ZNF384: variants seen among roughly 807,000 people sequenced by gnomAD.
The protein encoded by ZNF384 is CAG repeat protein 1.
In ZNF384, 20 loss-of-function variants were observed where a neutral mutation model predicts 65.0. The observed-to-expected ratio is 0.31, with a 90% CI of 0.22 to 0.45. The LOEUF (loss-of-function observed/expected upper bound fraction) is 0.45, where lower values mean the gene tolerates loss of function less well. Among genes scored for constraint, ZNF384 ranks in the 20% least tolerant of loss-of-function variants. The pLI is 1.00. For missense variants in ZNF384, 549 were observed against 769.4 expected (o/e 0.71, Z 3.39); for synonymous variants, 310 against 303.9 (o/e 1.02, Z -0.21).
intron 2 of ZNF384, among the ~76,000 whole-genome samples, chr12:6,685,456 C>G (rs1957562415): frequency 6.6e-6 from 1 of 151,900 alleles, no homozygotes; most frequent in Non-Finnish European, 1.5e-5. Context: ...TTGCACCAAG[C>G]CTCAACTGTT....
rs1181218725 is a variant in ZNF384, at chr12:6,673,079, C to G, written c.1004+137G>C. 5.2e-6 allele frequency: 4 copies of G among 776,694 alleles called. No individual in the cohort carries two copies. In the African/African-American group the frequency reaches 7.0e-5, roughly 14 times the overall value. The allele number at this position is 776,694 out of a possible 1,614,324, so 48.1% of individuals were successfully genotyped here. A position where few individuals can be genotyped will look rare whatever the true frequency, so the allele number is the denominator to read the frequency against. ...AGCTAGGATATATAATTTCCACAGA[C>G]AGTAATAGGAGGTTGAGGCTACCAA... is the stretch of plus-strand genomic sequence containing the variant. On this transcript the variant is annotated intron_variant, in intron 8 of 11. Coordinates refer to ENST00000683879, the MANE Select transcript of ZNF384 (RefSeq NM_001385745.1). This position sits in a 1 kb window ranked among gnomAD's most constrained non-coding sequence, Gnocchi z 4.7.
chr12:6,683,263 C>T (rs1318319245), intron 2 of ZNF384, among the ~76,000 whole-genome samples: 1 of 151,352 alleles, frequency 6.6e-6, no homozygotes, highest in East Asian at 1.9e-4. Flanking sequence ...TGCACTGCAG[C>T]CTGGGCAACA....
In ZNF384 at chr12:6,669,034, T is replaced by A. The variant is rs1294612786; in HGVS notation, c.1422A>T (p.Thr474=). The change falls in exon 11 of 12, where the codon ACA becomes ACT. Residue 474 remains threonine, a synonymous_variant. Transcript: ENST00000683879. ...YTCTICSRAY[T]SETYLMKHMR... ...AGAGAAGAAACGGAGCACTCACTGATGTGTATGCCCGACTGCAGATAGTGC... is the reference window on the plus strand; with the variant it reads ...AGAGAAGAAACGGAGCACTCACTGAAGTGTATGCCCGACTGCAGATAGTGC... 6.2e-7 allele frequency: 1 copy of A among 1,605,626 alleles called. No individual in the cohort carries two copies. The highest frequency in any genetic ancestry group is 1.1e-5 in the South Asian group (1 of 90,366).
At chr12:6,684,297 C>T (rs1054997339) in intron 2 of ZNF384, among the ~76,000 whole-genome samples, 3 of 152,182 alleles carry the variant, frequency 2.0e-5, no homozygotes, top group Non-Finnish European at 4.4e-5. Context: ...GTAGTACACA[C>T]TTTCTGATGT....
chr12:6,687,651 T>C (rs1295321239), intron 2 of ZNF384, among the ~76,000 whole-genome samples: 5 of 152,094 alleles, frequency 3.3e-5, no homozygotes, highest in Non-Finnish European at 5.9e-5. Context: ...GTTTTTTTTT[T>C]CCCCTGAAAA....
chr12:6,670,513 TTTATG>T (rs1951128620), intron 10 of ZNF384, among the ~76,000 whole-genome samples: 2 of 149,484 alleles, frequency 1.3e-5, no homozygotes, highest in Non-Finnish European at 2.9e-5. Context: ...GAATATGTTA[TTTATG>T]TTAACACACA....
chr12:6,668,316 C>T (rs1212685790), intron 11 of ZNF384, among the ~76,000 whole-genome samples: 1 of 152,174 alleles, frequency 6.6e-6, no homozygotes, highest in Non-Finnish European at 1.5e-5. Flanking sequence ...TTAGAAGTCA[C>T]TCAACATTCA....
intron 7 of ZNF384, 141 bp downstream of exon 7, chr12:6,677,026 T>G (rs1174192799): frequency 3.1e-6 from 1 of 327,232 alleles, no homozygotes; most frequent in African/African-American, 2.2e-5. Context: ...GCTAAATAAC[T>G]AATTTCTTAA....
intron 6 of ZNF384, 83 bp from the exon 7 acceptor site, chr12:6,677,342 CT>C (rs1954028719): frequency 2.5e-6 from 3 of 1,210,288 alleles, no homozygotes; most frequent in Non-Finnish European, 2.1e-6. Flanking sequence ...ACATCTGCCC[CT>C]GTCTATATCA....
rs936435011 is a variant in ZNF384 at position 6,688,836 on chromosome 12, C to G, written c.-66+262G>C. The G allele has an allele frequency of 3.9e-5, 6 of 152,732 alleles. 1 individual carries two copies. Among genetic ancestry groups the G allele is most frequent in the African/African-American group, 1.2e-4 (5 of 41,562 alleles). 9.5% of individuals were successfully genotyped at this position (152,732 alleles called of 1,614,324 possible). ...AGCCTTCTCCTGATGTCGTCCCCTA[C>G]CCCTTTCTCAAAGACCCTTCCTTGG... On this transcript the variant is annotated intron_variant, in intron 1 of 11. Transcript: ENST00000683879.
intron 10 of ZNF384, among the ~76,000 whole-genome samples, chr12:6,670,379 G>A (rs915488074): frequency 6.9e-6 from 1 of 145,962 alleles, no homozygotes; most frequent in African/African-American, 2.8e-5. Context: ...AGTGGGCCAT[G>A]ATAACACCAC....
Position 6,677,187 on chromosome 12 carries a change from C to T in ZNF384, c.759G>A (p.Thr253=), listed in dbSNP as rs1236137425. 7.6e-6 allele frequency: 9 copies of T among 1,180,908 alleles called. No homozygotes were observed. The highest frequency in any genetic ancestry group is 1.0e-5 in the Non-Finnish European group (9 of 882,240). The allele number at this position is 1,180,908 out of a possible 1,614,324, so 73.2% of individuals were successfully genotyped here. Residue 253 remains threonine, a synonymous_variant, in exon 7 of 12, where the codon ACG becomes ACA. Coordinates refer to ENST00000683879, the MANE Select transcript of ZNF384 (RefSeq NM_001385745.1). The stretch of plus-strand genomic sequence containing the variant: ...CTTGCCCAGGGTCACACAGCAAATT[C>T]GTGGTGGAGCCGGGAACTGAATCCA... ...GLMDSVPGST[T]NLLCDPGCRM... is the part of the protein sequence containing the mutation.
rs764794758 is a variant in ZNF384, at chr12:6,672,537, C to G, written c.1005-5G>C. On this transcript the variant is annotated splice_region_variant and splice_polypyrimidine_tract_variant and intron_variant, in intron 8 of 11. Transcript: ENST00000683879. This position sits in a 1 kb window ranked among gnomAD's most constrained non-coding sequence, Gnocchi z 4.4. ...GTGTGCATCTTGGAGTGGATCCTGC[C>G]GGAGAGGAGAGGAGGGAAGGGGGGA... The G allele has an allele frequency of 1.9e-6, 3 of 1,613,376 alleles. No homozygotes were observed. The highest frequency in any genetic ancestry group is 2.5e-6 in the Non-Finnish European group (3 of 1,179,642).
At chr12:6,685,776 C>CAAAAAAAAAAAAAAAAAAAAAAAAAAA (rs778337408) in intron 2 of ZNF384, among the ~76,000 whole-genome samples, 2 of 43,224 alleles carry the variant, frequency 4.6e-5, no homozygotes, top group Non-Finnish European at 4.7e-5. Context: ...GACTCAGTCT[C>CAAAAAAAAAAAAAAAAAAAAAAAAAAA]AAAAAAAAAA....
At chr12:6,685,256 G>A (rs541276982) in intron 2 of ZNF384, among the ~76,000 whole-genome samples, 5 of 149,892 alleles carry the variant, frequency 3.3e-5, no homozygotes, top group South Asian at 2.1e-4. Context: ...CCAGGAAGTC[G>A]AGGCTGCAGT....
At position 6,673,116 on chromosome 12, in the gene ZNF384, G is replaced by T; in HGVS notation, c.1004+100C>A. 1.8e-6 allele frequency: 2 copies of T among 1,125,954 alleles called. No individual in the cohort carries two copies. Among genetic ancestry groups the T allele is most frequent in the South Asian group, 1.5e-5 (1 of 66,882 alleles). 69.7% of individuals were successfully genotyped at this position (1,125,954 alleles called of 1,614,324 possible). A position where few individuals can be genotyped will look rare whatever the true frequency, so the allele number is the denominator to read the frequency against. On this transcript the variant is annotated intron_variant, in intron 8 of 11. Coordinates refer to ENST00000683879, the MANE Select transcript of ZNF384 (RefSeq NM_001385745.1). The surrounding 1 kb of genome is among the most constrained non-coding windows in gnomAD (Gnocchi z 4.7). Reference sequence around the variant, plus strand: ...GTTGAGGCTACCAATGGGCAAAGGTGAAAGGGAAAGAATAATACATGTGGA... The same window carrying T: ...GTTGAGGCTACCAATGGGCAAAGGTTAAAGGGAAAGAATAATACATGTGGA...
At position 6,668,093 on chromosome 12, in the gene ZNF384, A is replaced by G. The variant is rs1453273740; in HGVS notation, c.1448T>C (p.Met483Thr). 14 of 1,601,150 alleles carry G rather than the reference A, an allele frequency of 8.7e-6. No homozygotes were observed. Among genetic ancestry groups the G allele is most frequent in the East Asian group, 2.2e-5 (1 of 44,720 alleles). The change falls in exon 12 of 12, where the codon ATG (methionine) becomes ACG (threonine). Residue 483 changes from methionine (M) to threonine (T), a missense_variant. This residue lies in a region of ZNF384 where 136 missense variants were observed against 183.0 expected (regional missense o/e 0.74). Transcript: ENST00000683879. ...YTSETYLMKH[M>T]RKHNPPDLQQ... ...AAGATCAGGCGGGTTGTGTTTGCGC[A>G]TATGTTTCATAAGGTATGTTTCCTG...
At chr12:6,676,606 G>T (rs1371799737) in intron 7 of ZNF384, among the ~76,000 whole-genome samples, 3 of 152,322 alleles carry the variant, frequency 2.0e-5, no homozygotes, top group Non-Finnish European at 4.4e-5. Flanking sequence ...TCTATAGAGT[G>T]TTAAAGGATC....
chr12:6,678,030 G>T lies in ZNF384; in HGVS notation c.686+97C>A. ...GGCTCAGAGCTGGGAAGCTGTCAGAGTGTAGCGCCTGACCGGGGCAGAACA... is the reference window on the plus strand; with the variant it reads ...GGCTCAGAGCTGGGAAGCTGTCAGATTGTAGCGCCTGACCGGGGCAGAACA... On this transcript the variant is annotated intron_variant, in intron 6 of 11. Coordinates refer to ENST00000683879, the MANE Select transcript of ZNF384 (RefSeq NM_001385745.1). This position sits in a 1 kb window ranked among gnomAD's most constrained non-coding sequence, Gnocchi z 4.9. The T allele has an allele frequency of 8.5e-7, 1 of 1,180,814 alleles. No homozygotes were observed. The allele number at this position is 1,180,814 out of a possible 1,614,324, so 73.1% of individuals were successfully genotyped here.
Sources: gnomAD v4.1 joint callset for allele counts (sites outside exome capture counted in the v4.1 genomes callset) on GRCh38, gnomAD v4.1.1 for gene constraint, gnomAD v4.1.1 regional missense constraint, Gnocchi (gnomAD v3.1) non-coding constraint, MANE v1.5 for transcripts, NCBI Gene and HGNC (gene_info 2026-07-23, HGNC 2026-07-21) for gene names.